ZNF560: variants seen among roughly 807,000 people sequenced by gnomAD.
ZNF560 encodes zinc finger protein 560.
Under a neutral mutation model 81.8 loss-of-function variants are expected in ZNF560, and 54 were observed. The observed-to-expected ratio is 0.66, with a 90% CI of 0.53 to 0.83. The LOEUF (loss-of-function observed/expected upper bound fraction) is 0.83, where lower values mean the gene tolerates loss of function less well. Ranked by LOEUF, ZNF560 falls within the 40% of genes least tolerant of loss-of-function variation. The pLI is 0.00. For missense variants in ZNF560, 940 were observed against 932.4 expected, an observed-to-expected ratio of 1.01 and a Z score of -0.11; for synonymous variants, 321 against 317.9, an observed-to-expected ratio of 1.01 and a Z score of -0.10.
chr19:9,480,282 A>G (rs1383537619), intron 2 of ZNF560, among the ~76,000 whole-genome samples: 1 of 152,254 alleles, frequency 6.6e-6, no homozygotes, highest in Non-Finnish European at 1.5e-5. Context: ...GCTTAAAATC[A>G]TATCAAACAT....
At chr19:9,500,394 C>CAAA (rs767714516), upstream of ZNF560, among the ~76,000 whole-genome samples, 19 of 82,588 alleles carry the variant, frequency 2.3e-4, no homozygotes, top group African/African-American at 5.3e-4. Context: ...AACTTCATCT[C>CAAA]AAAAAAAAAA....
At chr19:9,494,621 A>C (rs1220007461) in intron 2 of ZNF560, among the ~76,000 whole-genome samples, 2 of 152,162 alleles carry the variant, frequency 1.3e-5, no homozygotes, top group Admixed American at 1.3e-4. Context: ...CTGTAATCCC[A>C]GCTACTCGGG....
At position 9,470,515 on chromosome 19, in the gene ZNF560, G is replaced by A. The variant is rs753051333; in HGVS notation, c.325C>T (p.Leu109=). 9 of 1,614,038 alleles carry A rather than the reference G, an allele frequency of 5.6e-6. No individual in the cohort carries two copies. The highest frequency in any genetic ancestry group is 6.8e-6 in the Non-Finnish European group (8 of 1,180,026). ...IQTSNGIQMD[L]VTFDSVAVEF... is the part of the protein sequence containing the mutation. ...ACAGCCACACTGTCAAAGGTTACCA[G>A]GTCCTAAACCATCAGACACATGCTG... Residue 109 remains leucine (L), a synonymous_variant, in exon 7 of 10, where the codon CTG becomes TTG. Coordinates refer to ENST00000301480, the MANE Select transcript of ZNF560 (RefSeq NM_152476.3).
chr19:9,487,756 T>G (rs1054344166), intron 2 of ZNF560, among the ~76,000 whole-genome samples: 1 of 152,198 alleles, frequency 6.6e-6, no homozygotes, highest in African/African-American at 2.4e-5. Flanking sequence ...GAAGAACTTG[T>G]AGCATAAGTA....
At chr19:9,506,219 C>G in the ZNF560 span, among the ~76,000 whole-genome samples, 2 of 152,054 alleles carry the variant, frequency 1.3e-5, no homozygotes, top group African/African-American at 4.8e-5. Flanking sequence ...TCTCGAACTC[C>G]TGACTTCAGG....
At chr19:9,450,949 G>A in the ZNF560 span, among the ~76,000 whole-genome samples, 9 of 152,114 alleles carry the variant, frequency 5.9e-5, no homozygotes, top group African/African-American at 1.9e-4. Flanking sequence ...TAAAGTTTCT[G>A]CAAGAAGAAC....
downstream of ZNF560, among the ~76,000 whole-genome samples, chr19:9,465,909 G>A (rs574436720): frequency 1.6e-4 from 25 of 152,198 alleles, no homozygotes; most frequent in East Asian, 1.7e-3. Context: ...CAGGAGAATC[G>A]CTTGAACCCA....
chr19:9,500,965 T>G (rs2073628068), upstream of ZNF560, among the ~76,000 whole-genome samples: 1 of 152,114 alleles, frequency 6.6e-6, no homozygotes, highest in African/African-American at 2.4e-5. Context: ...ATTTTTTGTC[T>G]TTTGTACTAA....
intron 2 of ZNF560, among the ~76,000 whole-genome samples, chr19:9,475,763 C>T (rs996414042): frequency 2.6e-5 from 4 of 151,900 alleles, no homozygotes; most frequent in Non-Finnish European, 5.9e-5. Context: ...CCTGCCACCA[C>T]GCCCGGCTAA....
chr19:9,466,899 G>C lies in ZNF560; in HGVS notation c.2048C>G (p.Thr683Ser). The change falls in exon 10 of 10, where the codon ACC becomes AGC. Residue 683 changes from threonine (T) to serine (S), a missense_variant. Coordinates refer to ENST00000301480, the MANE Select transcript of ZNF560 (RefSeq NM_152476.3). ...ATTTCCACATGCGTTACATTCAGAG[G>C]TCTTCTCTGCTGCATGAGTTTTTAA... ...QHLKTHAAEK[T>S]SECNACGNSF... is the part of the protein sequence containing the mutation. The C allele has an allele frequency of 6.2e-7, 1 of 1,614,032 alleles. No individual in the cohort carries two copies. Among genetic ancestry groups the C allele is most frequent in the East Asian group, 2.2e-5 (1 of 44,870 alleles).
chr19:9,504,860 G>A, the ZNF560 span, among the ~76,000 whole-genome samples: 1 of 152,152 alleles, frequency 6.6e-6, no homozygotes, highest in African/African-American at 2.4e-5. Flanking sequence ...GCCAAGGAGG[G>A]TGGATCACAA....
chr19:9,453,875 C>T, the ZNF560 span, among the ~76,000 whole-genome samples: 1 of 152,144 alleles, frequency 6.6e-6, no homozygotes, highest in Admixed American at 6.5e-5. Flanking sequence ...TACAAAAAAA[C>T]AGGCAATGAT....
At chr19:9,461,467 C>G (rs2072930342), downstream of ZNF560, among the ~76,000 whole-genome samples, 1 of 152,154 alleles carries the variant, frequency 6.6e-6, no homozygotes, top group Non-Finnish European at 1.5e-5. Flanking sequence ...TGTTTCATTG[C>G]TACTTTAATC....
At chr19:9,496,503 C>T (rs1356547931) in intron 2 of ZNF560, among the ~76,000 whole-genome samples, 1 of 136,230 alleles carries the variant, frequency 7.3e-6, no homozygotes, top group Non-Finnish European at 1.5e-5. Flanking sequence ...GGATTATAGG[C>T]GTGAGACACC....
chr19:9,459,774 T>TA, the ZNF560 span, among the ~76,000 whole-genome samples: 1 of 152,142 alleles, frequency 6.6e-6, no homozygotes, highest in African/African-American at 2.4e-5. Flanking sequence ...GAATAGGTTC[T>TA]TCTAACTCAA....
intron 5 of ZNF560, among the ~76,000 whole-genome samples, chr19:9,472,064 C>T (rs1225020183): frequency 1.3e-5 from 2 of 150,932 alleles, no homozygotes; most frequent in African/African-American, 4.9e-5. Context: ...GAGCCAAGAT[C>T]GTGCCACTGC....
chr19:9,469,726 G>A lies in ZNF560; in HGVS notation c.449-16C>T, dbSNP rs865875265. ...AGCTGGTAACCTGTACACAGGGAAA[G>A]ATACACCAATGGAAGAGGCTCATGC... On this transcript the variant is annotated splice_polypyrimidine_tract_variant and intron_variant, in intron 7 of 9. Coordinates refer to ENST00000301480, the MANE Select transcript of ZNF560 (RefSeq NM_152476.3). 1.9e-6 allele frequency: 3 copies of A among 1,612,468 alleles called. No individual in the cohort carries two copies. Among genetic ancestry groups the A allele is most frequent in the Non-Finnish European group, 2.5e-6 (3 of 1,178,574 alleles).
intron 2 of ZNF560, among the ~76,000 whole-genome samples, chr19:9,489,399 ACGGT>A (rs2073435487): frequency 6.6e-6 from 1 of 151,500 alleles, no homozygotes; most frequent in African/African-American, 2.4e-5. Context: ...CACTTCCCAG[ACGGT>A]GTGGTGGCTG....
intron 2 of ZNF560, among the ~76,000 whole-genome samples, chr19:9,486,326 A>G (rs1198196422): frequency 6.6e-6 from 1 of 152,228 alleles, no homozygotes; most frequent in Non-Finnish European, 1.5e-5. Context: ...TGACACAGCA[A>G]TACACATAAA....
Sources: allele counts gnomAD v4.1 joint callset (sites outside exome capture counted in the v4.1 genomes callset), GRCh38; gene constraint gnomAD v4.1.1; transcripts MANE v1.5; gene names NCBI Gene and HGNC (gene_info 2026-07-23, HGNC 2026-07-21).